Variants in REPS2 observed in about 807,000 individuals in gnomAD.
REPS2 encodes the protein ralBP1-associated Eps domain-containing protein 2.
Under a neutral mutation model 53.6 loss-of-function variants are expected in REPS2, and 23 were observed. The observed-to-expected ratio is 0.43, with a 90% CI of 0.31 to 0.61. The LOEUF is 0.61. Ranked by LOEUF, REPS2 falls within the 20% of genes least tolerant of loss-of-function variation. The probability of loss-of-function intolerance (pLI) is 0.11; values close to 1 mark genes in which losing one functional copy is unlikely to be tolerated. For synonymous variants in REPS2, 238 were observed against 218.6 expected, an observed-to-expected ratio of 1.09 and a Z score of -0.78; for missense variants, 446 against 534.9, an observed-to-expected ratio of 0.83 and a Z score of 1.64.
intron 11 of REPS2, 48 bp downstream of exon 11, chrX:17,070,041 TA>T (rs1569159576): frequency 4.5e-6 from 3 of 661,806 alleles, no homozygotes; most frequent in Middle Eastern, 5.3e-4. Flanking sequence ...TATTTTAAAA[TA>T]AAAAAACAGC....
chrX:17,012,786 T>C (rs961096184), intron 2 of REPS2, among the ~76,000 whole-genome samples: 10 of 112,280 alleles, frequency 8.9e-5, no homozygotes, highest in African/African-American at 1.3e-4. Flanking sequence ...GTTCCTCTTG[T>C]TAAGTGTCCT....
intron 1 of REPS2, among the ~76,000 whole-genome samples, chrX:16,989,487 A>G (rs2061135366): frequency 8.9e-6 from 1 of 112,144 alleles, no homozygotes. Flanking sequence ...ACCTCATAAG[A>G]GGATGAAAAG....
At chrX:17,063,460 G>A (rs1039600907) in intron 9 of REPS2, among the ~76,000 whole-genome samples, 5 of 111,408 alleles carry the variant, frequency 4.5e-5, no homozygotes, top group African/African-American at 9.8e-5. Context: ...GGATGGCACC[G>A]TCTGCTCCCC....
chrX:17,066,992 G>A (rs775649806), intron 9 of REPS2, among the ~76,000 whole-genome samples: 1 of 112,448 alleles, frequency 8.9e-6, no homozygotes, highest in East Asian at 2.8e-4. Flanking sequence ...TCTCTCTGGG[G>A]TTGTTTAGGT....
intron 8 of REPS2, among the ~76,000 whole-genome samples, chrX:17,055,710 C>T (rs1180273325): frequency 1.9e-5 from 2 of 104,707 alleles, no homozygotes; most frequent in Non-Finnish European, 3.9e-5. Flanking sequence ...AAATTGGAAA[C>T]CATCATTCTC....
intron 6 of REPS2, among the ~76,000 whole-genome samples, chrX:17,049,994 A>G (rs1235498003): frequency 2.8e-5 from 3 of 105,519 alleles, no homozygotes; most frequent in Non-Finnish European, 5.8e-5. Flanking sequence ...GTCACTCACC[A>G]CTCACTCTCT....
intron 2 of REPS2, among the ~76,000 whole-genome samples, chrX:17,012,415 A>AC (rs10687124): frequency 1.1e-3 from 116 of 107,345 alleles, no homozygotes; most frequent in African/African-American, 3.6e-3. Context: ...AACAACAACA[A>AC]ACAAAACCCT....
chrX:17,063,534 T>C (rs759715023), intron 9 of REPS2, among the ~76,000 whole-genome samples: 2 of 112,128 alleles, frequency 1.8e-5, no homozygotes, highest in Admixed American at 1.9e-4. Flanking sequence ...CCATTTTGCT[T>C]CTCTTTCTTT....
chrX:17,182,301 T>A, the REPS2 span, among the ~76,000 whole-genome samples: 1 of 111,040 alleles, frequency 9.0e-6, no homozygotes, highest in Admixed American at 9.6e-5. Context: ...AGAGACCTCA[T>A]AGAAGTAGAG....
intron 14 of REPS2, among the ~76,000 whole-genome samples, chrX:17,111,130 C>G (rs770756111): frequency 6.3e-5 from 7 of 111,978 alleles, no homozygotes; most frequent in Non-Finnish European, 9.4e-5. Flanking sequence ...AAGAAAATAG[C>G]AAGAAACATT....
Position 16,947,116 on chromosome X carries a change from C to G in REPS2, c.255C>G (p.Pro85=). 9.1e-7 allele frequency: 1 copy of G among 1,093,639 alleles called. No individual in the cohort carries two copies. 90.1% of individuals were successfully genotyped at this position (1,093,639 alleles called of 1,213,427 possible). The part of the protein sequence containing the change: ...VADLFRASQL[P]AETLHQITEL... ...ACCTGTTTCGGGCATCGCAGCTGCC[C>G]GCCGAGACGCTGCACCAGGTGGGTC... The change falls in exon 1 of 18, where the codon CCC becomes CCG. Residue 85 remains proline, a synonymous_variant. Transcript: ENST00000357277.
At chrX:17,003,333 T>C (rs969949154) in intron 1 of REPS2, among the ~76,000 whole-genome samples, 2 of 111,313 alleles carry the variant, frequency 1.8e-5, no homozygotes, top group African/African-American at 6.5e-5. Flanking sequence ...GGCAAAGAAA[T>C]GGGCATCTGG....
At chrX:16,965,108 TC>T (rs2060731265) in intron 1 of REPS2, among the ~76,000 whole-genome samples, 1 of 86,038 alleles carries the variant, frequency 1.2e-5, no homozygotes, top group African/African-American at 4.5e-5. Context: ...CCCACCTCCC[TC>T]CCGGACGGGG....
chrX:17,178,949 C>T, the REPS2 span, among the ~76,000 whole-genome samples: 1 of 110,492 alleles, frequency 9.1e-6, no homozygotes, highest in African/African-American at 3.3e-5. Flanking sequence ...AAGTTTAGTG[C>T]ACAGTTGGCT....
At chrX:17,105,174 C>A (rs760011125) in intron 14 of REPS2, among the ~76,000 whole-genome samples, 116 of 111,172 alleles carry the variant, frequency 1.0e-3, no homozygotes, top group African/African-American at 3.3e-3. Context: ...TCACTGGAGT[C>A]TGAGTGTCTA....
intron 9 of REPS2, among the ~76,000 whole-genome samples, chrX:17,067,576 G>A (rs2062241783): frequency 8.9e-6 from 1 of 112,201 alleles, no homozygotes; most frequent in South Asian, 3.7e-4. Flanking sequence ...ATACTTGATA[G>A]ATTTGGGTAT....
intron 13 of REPS2, among the ~76,000 whole-genome samples, chrX:17,087,468 G>A (rs1043195725): frequency 4.5e-5 from 5 of 111,883 alleles, no homozygotes; most frequent in Admixed American, 2.8e-4. Flanking sequence ...GTTTGTAGAC[G>A]GTGTCTTTGG....
chrX:17,052,503 T>C, intron 7 of REPS2, 58 bp downstream of exon 7: 1 of 919,866 alleles, frequency 1.1e-6, no homozygotes, highest in Non-Finnish European at 1.5e-6. Context: ...CATCCTTTAG[T>C]TCCTACCTTT....
chrX:17,176,898 A>T, the REPS2 span, among the ~76,000 whole-genome samples: 1 of 112,200 alleles, frequency 8.9e-6, no homozygotes. Context: ...ACTAATGATG[A>T]TGAATGTCAG....
Sources: allele counts gnomAD v4.1 joint callset (sites outside exome capture counted in the v4.1 genomes callset), GRCh38; gene constraint gnomAD v4.1.1; transcripts MANE v1.5; gene names NCBI Gene and HGNC (gene_info 2026-07-23, HGNC 2026-07-21).